The following CAMKMT variants were observed in gnomAD, a reference collection of about 807,000 sequenced individuals.
CAMKMT encodes the protein calmodulin-lysine N-methyltransferase.
In CAMKMT, 53 loss-of-function variants were observed where a neutral mutation model predicts 48.0. That is an observed-to-expected ratio of 1.10 (90% CI 0.89 to 1.39). The LOEUF is 1.39. CAMKMT is among the 40% of genes most tolerant of loss of function. The pLI, the probability that CAMKMT is intolerant of heterozygous loss-of-function variation, is 0.00. For missense variants in CAMKMT, 428 were observed against 402.7 expected (o/e 1.06, Z -0.54); for synonymous variants, 165 against 152.3 (o/e 1.08, Z -0.61).
chr2:44,446,442 G>C (rs1050349417), intron 3 of CAMKMT, among the ~76,000 whole-genome samples: 1 of 152,028 alleles, frequency 6.6e-6, no homozygotes, highest in Admixed American at 6.6e-5. Flanking sequence ...TGCCTCCTGG[G>C]TTCAAGCAAT....
At chr2:44,451,241 G>A (rs1667270606) in intron 3 of CAMKMT, among the ~76,000 whole-genome samples, 1 of 151,956 alleles carries the variant, frequency 6.6e-6, no homozygotes, top group Non-Finnish European at 1.5e-5. Context: ...GTATTCTTTT[G>A]TTGTATTAGA....
intron 3 of CAMKMT, among the ~76,000 whole-genome samples, chr2:44,469,103 C>T (rs769733131): frequency 6.6e-6 from 1 of 152,006 alleles, no homozygotes; most frequent in South Asian, 2.1e-4. Context: ...GGAATCAGTT[C>T]TAGTGTTCTA....
At chr2:44,641,613 A>C (rs1673457907) in intron 3 of CAMKMT, among the ~76,000 whole-genome samples, 1 of 152,064 alleles carries the variant, frequency 6.6e-6, no homozygotes, top group Non-Finnish European at 1.5e-5. Context: ...GCTGGAGTGC[A>C]GTGGTATAAA....
chr2:44,674,395 T>C (rs1675548013), intron 3 of CAMKMT, among the ~76,000 whole-genome samples: 1 of 152,326 alleles, frequency 6.6e-6, no homozygotes. Context: ...GGGACCATCT[T>C]AGTATCCAAA....
chr2:44,717,764 T>A (rs1197282777), intron 7 of CAMKMT, among the ~76,000 whole-genome samples: 1 of 151,964 alleles, frequency 6.6e-6, no homozygotes, highest in Non-Finnish European at 1.5e-5. Flanking sequence ...ATGTCTCTTG[T>A]GACTTCATTT....
intron 3 of CAMKMT, chr2:44,393,493 A>G (rs1681543803): frequency 6.6e-6 from 1 of 152,188 alleles, no homozygotes; most frequent in African/African-American, 2.4e-5. Flanking sequence ...TGGAAAACAA[A>G]CCATTTTGAA....
intron 7 of CAMKMT, among the ~76,000 whole-genome samples, chr2:44,728,015 C>T (rs376895616): frequency 4.6e-5 from 7 of 152,192 alleles, no homozygotes; most frequent in South Asian, 4.2e-4. Flanking sequence ...CTCAACCTCC[C>T]GGGGTCAAGC....
intron 3 of CAMKMT, among the ~76,000 whole-genome samples, chr2:44,501,335 C>G (rs941735673): frequency 1.3e-5 from 2 of 152,082 alleles, no homozygotes; most frequent in African/African-American, 4.8e-5. Flanking sequence ...TAAACACTTT[C>G]ACTGGGTGAG....
intron 3 of CAMKMT, among the ~76,000 whole-genome samples, chr2:44,560,146 G>A (rs1228246199): frequency 1.3e-5 from 2 of 152,118 alleles, no homozygotes; most frequent in African/African-American, 4.8e-5. Flanking sequence ...CAACACACTG[G>A]GAGTTTCTGT....
intron 3 of CAMKMT, among the ~76,000 whole-genome samples, chr2:44,396,378 A>T (rs1361133326): frequency 1.3e-5 from 2 of 152,174 alleles, no homozygotes; most frequent in Non-Finnish European, 2.9e-5. Flanking sequence ...TTTTCTTTAT[A>T]AAGAGCTCTT....
intron 3 of CAMKMT, among the ~76,000 whole-genome samples, chr2:44,397,088 A>AAT (rs1681925245): frequency 6.6e-6 from 1 of 151,824 alleles, no homozygotes; most frequent in Admixed American, 6.6e-5. Context: ...AAAAGTACAC[A>AAT]ATATTTTGTT....
chr2:44,754,807 T>C (rs1680297182), intron 9 of CAMKMT, among the ~76,000 whole-genome samples: 1 of 151,676 alleles, frequency 6.6e-6, no homozygotes. Flanking sequence ...AGAGTTAATA[T>C]ACATCTATTT....
intron 3 of CAMKMT, among the ~76,000 whole-genome samples, chr2:44,392,486 T>TC (rs1325308647): frequency 2.6e-5 from 4 of 152,050 alleles, no homozygotes; most frequent in Non-Finnish European, 5.9e-5. Flanking sequence ...ACTTGATGCC[T>TC]CAAAAATTTG....
intron 2 of CAMKMT, among the ~76,000 whole-genome samples, chr2:44,389,749 A>C (rs1681140968): frequency 6.6e-6 from 1 of 152,238 alleles, no homozygotes; most frequent in African/African-American, 2.4e-5. Flanking sequence ...CAAAAGATAC[A>C]AAAACTTTGC....
At chr2:44,396,313 TAC>T (rs1663259891) in intron 3 of CAMKMT, among the ~76,000 whole-genome samples, 1 of 152,086 alleles carries the variant, frequency 6.6e-6, no homozygotes, top group South Asian at 2.1e-4. Flanking sequence ...AAAATTGAAA[TAC>T]AAATTACACA....
intron 3 of CAMKMT, among the ~76,000 whole-genome samples, chr2:44,392,392 C>A (rs896113114): frequency 6.6e-6 from 1 of 151,812 alleles, no homozygotes; most frequent in Non-Finnish European, 1.5e-5. Context: ...TTGGTAAAGT[C>A]CTGTTCCAAT....
chr2:44,521,879 A>G (rs1337900274), intron 3 of CAMKMT, among the ~76,000 whole-genome samples: 3 of 152,032 alleles, frequency 2.0e-5, no homozygotes, highest in Non-Finnish European at 4.4e-5. Context: ...AAAATAAAAT[A>G]AGATAGAATT....
chr2:44,432,276 A>G (rs566568757), intron 3 of CAMKMT, among the ~76,000 whole-genome samples: 1 of 152,298 alleles, frequency 6.6e-6, no homozygotes, highest in South Asian at 2.1e-4. Flanking sequence ...TCCTCCCTGC[A>G]CACGGGTAAT....
intron 3 of CAMKMT, among the ~76,000 whole-genome samples, chr2:44,453,888 T>C (rs1348328263): frequency 6.6e-6 from 1 of 152,050 alleles, no homozygotes; most frequent in African/African-American, 2.4e-5. Context: ...TTTTTAGTCT[T>C]TCAGAGTTTA....
Sources: allele counts gnomAD v4.1 joint callset (sites outside exome capture counted in the v4.1 genomes callset), GRCh38; gene constraint gnomAD v4.1.1; transcripts MANE v1.5; gene names NCBI Gene and HGNC (gene_info 2026-07-23, HGNC 2026-07-21).